The following DLG2 variants were observed in gnomAD, a reference collection of about 807,000 sequenced individuals.
DLG2 encodes discs large MAGUK scaffold protein 2, also known as disks large homolog 2.
DLG2 carries 45 observed loss-of-function variants against 132.5 expected under a neutral mutation model. The ratio of observed to expected loss-of-function variants is 0.34; its 90% confidence interval spans 0.27 to 0.44. The LOEUF (loss-of-function observed/expected upper bound fraction) is 0.44. Ranked by LOEUF, DLG2 falls within the 20% of genes least tolerant of loss-of-function variation. The probability of loss-of-function intolerance (pLI) is 1.00; values close to 1 mark genes in which losing one functional copy is unlikely to be tolerated. For synonymous variants in DLG2, 424 were observed against 419.6 expected, an observed-to-expected ratio of 1.01 and a Z score of -0.13; for missense variants, 1,045 against 1,196.9, an observed-to-expected ratio of 0.87 and a Z score of 1.87.
intron 3 of DLG2, among the ~76,000 whole-genome samples, chr11:85,505,572 C>T (rs2093911158): frequency 1.3e-5 from 2 of 152,150 alleles, no homozygotes; most frequent in South Asian, 2.1e-4. Flanking sequence ...CTGAAGCCGA[C>T]TTGATGGTGG....
intron 9 of DLG2, among the ~76,000 whole-genome samples, chr11:84,145,944 G>A (rs1401602687): frequency 2.0e-5 from 3 of 152,152 alleles, no homozygotes; most frequent in Non-Finnish European, 4.4e-5. Flanking sequence ...CCGAATGTCT[G>A]TAAACTATAT....
intron 7 of DLG2, among the ~76,000 whole-genome samples, chr11:84,305,620 T>TCTAC (rs989744418): frequency 6.6e-6 from 1 of 152,080 alleles, no homozygotes; most frequent in African/African-American, 2.4e-5. Context: ...TATCTATTTA[T>TCTAC]CTACCTACCT....
intron 6 of DLG2, among the ~76,000 whole-genome samples, chr11:84,662,709 C>T (rs892266195): frequency 1.3e-5 from 2 of 148,576 alleles, no homozygotes; most frequent in Non-Finnish European, 3.0e-5. Context: ...ATCGCTTGAA[C>T]CTGGGAGGCG....
chr11:84,566,073 C>T (rs1363297284), intron 6 of DLG2, among the ~76,000 whole-genome samples: 10 of 151,654 alleles, frequency 6.6e-5, no homozygotes. Flanking sequence ...ATTCTCCTGC[C>T]TCAGCCTCTG....
intron 16 of DLG2, among the ~76,000 whole-genome samples, chr11:83,870,106 G>C (rs186717632): frequency 6.6e-6 from 1 of 152,232 alleles, no homozygotes; most frequent in African/African-American, 2.4e-5. Flanking sequence ...CCTTTCCAGA[G>C]GCAAATGCTT....
At chr11:83,713,546 C>A (rs923796468) in intron 18 of DLG2, among the ~76,000 whole-genome samples, 2 of 152,054 alleles carry the variant, frequency 1.3e-5, no homozygotes, top group Non-Finnish European at 2.9e-5. Context: ...TCATGGAAGG[C>A]CTTGAAAGCT....
intron 6 of DLG2, among the ~76,000 whole-genome samples, chr11:84,651,557 G>C (rs575794775): frequency 6.6e-6 from 1 of 152,126 alleles, no homozygotes; most frequent in South Asian, 2.1e-4. Context: ...TTCTGTCTCC[G>C]GGTGAATTTC....
At chr11:84,432,365 C>T (rs1221777897) in intron 7 of DLG2, among the ~76,000 whole-genome samples, 1 of 152,142 alleles carries the variant, frequency 6.6e-6, no homozygotes, top group East Asian at 1.9e-4. Flanking sequence ...AAGCAGAGGC[C>T]ATATCATGAT....
At chr11:84,459,497 T>C (rs890615979) in intron 7 of DLG2, among the ~76,000 whole-genome samples, 4 of 150,696 alleles carry the variant, frequency 2.7e-5, no homozygotes, top group Non-Finnish European at 4.5e-5. Context: ...TATGTACTTA[T>C]GGGGTACATA....
At chr11:84,736,249 A>C (rs890063924) in intron 6 of DLG2, among the ~76,000 whole-genome samples, 5 of 151,848 alleles carry the variant, frequency 3.3e-5, no homozygotes, top group African/African-American at 9.7e-5. Context: ...TCTTTCCACC[A>C]ATACTATATT....
chr11:85,461,348 G>C (rs565172739), intron 3 of DLG2, among the ~76,000 whole-genome samples: 1 of 152,306 alleles, frequency 6.6e-6, no homozygotes, highest in East Asian at 1.9e-4. Flanking sequence ...GGAGAAAATA[G>C]ATATTTCTCT....
intron 6 of DLG2, among the ~76,000 whole-genome samples, chr11:84,988,405 C>T (rs940782720): frequency 6.6e-6 from 1 of 152,148 alleles, no homozygotes; most frequent in African/African-American, 2.4e-5. Context: ...GAAAAAGATA[C>T]TTGCATATGC....
At chr11:84,836,153 G>A (rs561920466) in intron 6 of DLG2, among the ~76,000 whole-genome samples, 1 of 151,826 alleles carries the variant, frequency 6.6e-6, no homozygotes, top group African/African-American at 2.4e-5. Flanking sequence ...CAAGATTCCA[G>A]TAAGAGAATT....
intron 9 of DLG2, among the ~76,000 whole-genome samples, chr11:84,150,527 T>A (rs1287430917): frequency 2.0e-5 from 3 of 152,196 alleles, no homozygotes; most frequent in Non-Finnish European, 2.9e-5. Context: ...TCTCATAGAA[T>A]ATACAGTATA....
intron 18 of DLG2, among the ~76,000 whole-genome samples, chr11:83,768,861 C>A (rs77119706): frequency 0.013 from 1,958 of 152,248 alleles, 14 homozygotes; most frequent in Non-Finnish European, 0.019. Context: ...GCTGTTGGCC[C>A]CCTCTTGGAG....
At chr11:83,776,761 C>G (rs1364879083) in intron 18 of DLG2, among the ~76,000 whole-genome samples, 1 of 152,178 alleles carries the variant, frequency 6.6e-6, no homozygotes, top group Non-Finnish European at 1.5e-5. Context: ...TCCTGAAATA[C>G]TCTTCCTCCT....
intron 15 of DLG2, among the ~76,000 whole-genome samples, chr11:83,889,720 C>A (rs1218204825): frequency 6.6e-6 from 1 of 151,930 alleles, no homozygotes; most frequent in East Asian, 1.9e-4. Context: ...AAATGTCCAA[C>A]AATGATAGAC....
chr11:85,500,928 C>T (rs2093786212), intron 3 of DLG2, among the ~76,000 whole-genome samples: 1 of 152,210 alleles, frequency 6.6e-6, no homozygotes, highest in Non-Finnish European at 1.5e-5. Flanking sequence ...CTTTAAATTT[C>T]ATATGCAACC....
intron 18 of DLG2, among the ~76,000 whole-genome samples, chr11:83,783,922 T>C (rs1004128358): frequency 6.6e-6 from 1 of 152,150 alleles, no homozygotes; most frequent in Non-Finnish European, 1.5e-5. Context: ...CTCTATTAAA[T>C]GTATAAAAAT....
Sources: allele counts gnomAD v4.1 joint callset (sites outside exome capture counted in the v4.1 genomes callset), GRCh38; gene constraint gnomAD v4.1.1; transcripts MANE v1.5; gene names NCBI Gene and HGNC (gene_info 2026-07-23, HGNC 2026-07-21).